Variants in NCOA2 observed in about 807,000 individuals in gnomAD.
NCOA2 encodes the protein nuclear receptor coactivator 2, also known as class E basic helix-loop-helix protein 75.
A neutral mutation model predicts 145.1 loss-of-function variants in NCOA2; 21 were observed. That is an observed-to-expected ratio of 0.14 (90% CI 0.10 to 0.21). NCOA2 has a LOEUF of 0.21. Among genes scored for constraint, NCOA2 ranks in the 10% least tolerant of loss-of-function variants. The pLI, the probability that NCOA2 is intolerant of heterozygous loss-of-function variation, is 1.00. For missense variants in NCOA2, 1,472 were observed against 1,837.6 expected, an observed-to-expected ratio of 0.80 and a Z score of 3.64; for synonymous variants, 619 against 637.5, an observed-to-expected ratio of 0.97 and a Z score of 0.44.
At chr8:70,176,192 T>C (rs1196311598) in intron 4 of NCOA2, among the ~76,000 whole-genome samples, 1 of 152,220 alleles carries the variant, frequency 6.6e-6, no homozygotes, top group East Asian at 1.9e-4. Flanking sequence ...TACTAGCATA[T>C]CTGTATTGAT....
chr8:70,113,406 C>A lies in NCOA2; in HGVS notation c.*226G>T, dbSNP rs1476841925. 3 of 592,886 alleles carry A rather than the reference C, an allele frequency of 5.1e-6. No homozygotes were observed. The highest frequency in any genetic ancestry group is 3.7e-5 in the African/African-American group (2 of 53,758). The allele number at this position is 592,886 out of a possible 1,614,324, so 36.7% of individuals were successfully genotyped here. A position where few individuals can be genotyped will look rare whatever the true frequency, so the allele number is the denominator to read the frequency against. ...CACTAAGGTGAATGCAGTGAACAGA[C>A]TGAGCGACTGTCTGGATGCGAGCTT... On this transcript the variant is annotated 3_prime_UTR_variant, in exon 23 of 23. Transcript: ENST00000452400.
intron 2 of NCOA2, among the ~76,000 whole-genome samples, chr8:70,223,370 G>A (rs1257443873): frequency 6.6e-6 from 1 of 152,172 alleles, no homozygotes; most frequent in East Asian, 1.9e-4. Flanking sequence ...TATACAAAGA[G>A]TGTTTTTATC....
intron 8 of NCOA2, 41 bp from the exon 9 acceptor site, chr8:70,162,895 A>C (rs1271919915): frequency 8.3e-7 from 1 of 1,198,668 alleles, no homozygotes; most frequent in South Asian, 1.5e-5. Flanking sequence ...ATGTTGATCT[A>C]TTCTTTATGG....
the NCOA2 span, among the ~76,000 whole-genome samples, chr8:70,421,847 C>G: frequency 6.6e-6 from 1 of 151,966 alleles, no homozygotes; most frequent in Non-Finnish European, 1.5e-5. Context: ...GTAATCCCAG[C>G]ACTTTGGGAG....
chr8:70,393,973 G>T lies in NCOA2; in HGVS notation c.-77+9727C>A, dbSNP rs192754439. On this transcript the variant is annotated intron_variant, in intron 1 of 22. Transcript: ENST00000452400. ...AATATGTCATTTTTTGGTATTACAT[G>T]TAATAGCTTAGAATATTCCATTCTA... Among the ~76,000 whole-genome samples, 36 of 152,242 alleles carry T rather than the reference G, an allele frequency of 2.4e-4. No individual in the cohort carries two copies. The East Asian group carries it at 4.2e-3, about 18-fold the overall frequency.
chr8:70,204,635 G>A lies in NCOA2; in HGVS notation c.259+9268C>T, dbSNP rs1818245724. On this transcript the variant is annotated intron_variant, in intron 4 of 22. Transcript: ENST00000452400. ...ATTACACAAGGCTGAATAAAGGCCA[G>A]GAATCAGAAAAATCCAACAAATATT... Among the ~76,000 whole-genome samples, 4 of 152,234 alleles carry A rather than the reference G, an allele frequency of 2.6e-5. No homozygotes were observed. The South Asian group carries it at 8.3e-4, about 32-fold the overall frequency.
the NCOA2 span, chr8:70,424,340 A>T: frequency 2.7e-6 from 1 of 376,886 alleles, no homozygotes; most frequent in Non-Finnish European, 5.2e-6. Context: ...TTCAAGAACC[A>T]GTTGGGGATC....
At chr8:70,174,637 G>A (rs1814626487) in intron 5 of NCOA2, 119 bp downstream of exon 5, 5 of 893,866 alleles carry the variant, frequency 5.6e-6, no homozygotes, top group Non-Finnish European at 8.9e-6. Context: ...AAGCTCAAGA[G>A]GTCCATAGTA....
At chr8:70,454,543 T>C in the NCOA2 span, among the ~76,000 whole-genome samples, 7 of 152,234 alleles carry the variant, frequency 4.6e-5, no homozygotes, top group Non-Finnish European at 1.0e-4. Context: ...CTAAATTACC[T>C]TGGAACACAA....
chr8:70,163,834 C>T (rs529490267), intron 7 of NCOA2, among the ~76,000 whole-genome samples: 4 of 152,100 alleles, frequency 2.6e-5, no homozygotes, highest in South Asian at 2.1e-4. Context: ...GGAAATACAT[C>T]GACTACACTA....
rs779593891 is a variant in NCOA2 at position 70,185,511 on chromosome 8, G to A, written c.260-10652C>T. Among the ~76,000 whole-genome samples, 3 of 152,190 alleles carry A rather than the reference G, an allele frequency of 2.0e-5. No individual in the cohort carries two copies. The East Asian group carries it at 5.8e-4, about 29-fold the overall frequency. On this transcript the variant is annotated intron_variant, in intron 4 of 22. Transcript: ENST00000452400. ...CTGAGAGGACAGCAGACTCCAGGGA[G>A]CAAAACAAGAAAGACCATGAGAACA...
chr8:70,254,246 G>T lies in NCOA2; in HGVS notation c.-19-37482C>A, dbSNP rs1200636114. Among the ~76,000 whole-genome samples the T allele has an allele frequency of 2.0e-5, 3 of 152,158 alleles. No individual in the cohort carries two copies. In the South Asian group the frequency reaches 6.2e-4, roughly 32 times the overall value. On this transcript the variant is annotated intron_variant, in intron 2 of 22. Transcript: ENST00000452400. ...CTATCAAAAATATAGAAAATAATAAGTGTTGGTGAGGATGCAGAAAAACTA... is the reference window on the plus strand; with the variant it reads ...CTATCAAAAATATAGAAAATAATAATTGTTGGTGAGGATGCAGAAAAACTA...
At chr8:70,126,065 C>T (rs1808379413) in intron 19 of NCOA2, among the ~76,000 whole-genome samples, 1 of 152,158 alleles carries the variant, frequency 6.6e-6, no homozygotes, top group African/African-American at 2.4e-5. Context: ...AAACAGGAGA[C>T]TTGGATTTCG....
chr8:70,175,212 A>G (rs767320725), intron 4 of NCOA2, among the ~76,000 whole-genome samples: 107 of 152,232 alleles, frequency 7.0e-4, no homozygotes, highest in Non-Finnish European at 8.7e-4. Flanking sequence ...AAACTAGGAT[A>G]AAGGAAGGTC....
At chr8:70,368,861 C>T (rs1053962621) in intron 1 of NCOA2, among the ~76,000 whole-genome samples, 3 of 152,162 alleles carry the variant, frequency 2.0e-5, no homozygotes, top group African/African-American at 7.2e-5. Context: ...ACAACTTATT[C>T]TGTCACTCCC....
intron 4 of NCOA2, among the ~76,000 whole-genome samples, chr8:70,185,743 T>C (rs1815999359): frequency 6.6e-6 from 1 of 152,104 alleles, no homozygotes; most frequent in South Asian, 2.1e-4. Flanking sequence ...TCAAATCAAC[T>C]CTCTGGAAAG....
intron 1 of NCOA2, among the ~76,000 whole-genome samples, chr8:70,351,751 ATTTTTT>A (rs1266426866): frequency 1.5e-5 from 2 of 129,908 alleles, no homozygotes; most frequent in Non-Finnish European, 1.7e-5. Context: ...ACCCCGGCTA[ATTTTTT>A]TTTTTTTTTT....
At chr8:70,440,925 G>T in the NCOA2 span, among the ~76,000 whole-genome samples, 1 of 149,912 alleles carries the variant, frequency 6.7e-6, no homozygotes, top group African/African-American at 2.5e-5. Flanking sequence ...CAGGGTCGTG[G>T]TCACAGGTGG....
chr8:70,166,025 T>G (rs916767342), intron 7 of NCOA2, among the ~76,000 whole-genome samples: 1 of 152,106 alleles, frequency 6.6e-6, no homozygotes, highest in Non-Finnish European at 1.5e-5. Context: ...GGTTTCACCA[T>G]GTTGGCCAGG....
Sources: allele counts gnomAD v4.1 joint callset (sites outside exome capture counted in the v4.1 genomes callset), GRCh38; gene constraint gnomAD v4.1.1; transcripts MANE v1.5; gene names NCBI Gene and HGNC (gene_info 2026-07-23, HGNC 2026-07-21).